The following NELL1 variants were observed in gnomAD, a reference collection of about 807,000 sequenced individuals.
NELL1 encodes the protein protein kinase C-binding protein NELL1.
A neutral mutation model predicts 107.4 loss-of-function variants in NELL1; 76 were observed. The observed-to-expected ratio is 0.71, with a 90% CI of 0.59 to 0.86. The LOEUF (loss-of-function observed/expected upper bound fraction) is 0.86, where lower values mean the gene tolerates loss of function less well. Among genes scored for constraint, NELL1 ranks in the 40% least tolerant of loss-of-function variants. The pLI is 0.00. For missense variants in NELL1, 1,024 were observed against 1,005.5 expected (o/e 1.02, Z -0.25); for synonymous variants, 353 against 341.2 (o/e 1.03, Z -0.38).
At chr11:21,131,427 T>A (rs1018238729) in intron 13 of NELL1, among the ~76,000 whole-genome samples, 1 of 152,182 alleles carries the variant, frequency 6.6e-6, no homozygotes, top group Non-Finnish European at 1.5e-5. Flanking sequence ...TAATCCAGAC[T>A]AACATACTAC....
chr11:21,443,874 AAAAG>A (rs1329737981), intron 15 of NELL1, among the ~76,000 whole-genome samples: 2 of 151,870 alleles, frequency 1.3e-5, no homozygotes, highest in East Asian at 3.9e-4. Context: ...AAAGAAAAAA[AAAAG>A]AAAAGTAGGT....
chr11:20,903,575 A>T (rs938542095), intron 5 of NELL1, among the ~76,000 whole-genome samples: 2 of 152,074 alleles, frequency 1.3e-5, no homozygotes, highest in Admixed American at 6.6e-5. Flanking sequence ...GATGGCCTAG[A>T]TTATGGTTTT....
intron 14 of NELL1, among the ~76,000 whole-genome samples, chr11:21,277,348 G>A (rs1848889850): frequency 6.6e-6 from 1 of 151,938 alleles, no homozygotes; most frequent in East Asian, 1.9e-4. Flanking sequence ...ACTACAATGA[G>A]ATACCATCTC....
intron 3 of NELL1, among the ~76,000 whole-genome samples, chr11:20,813,469 TA>T (rs5790143): frequency 0.97 from 148,154 of 152,086 alleles, 72,284 homozygotes; most frequent in East Asian, 1. Flanking sequence ...GAGGACGTGA[TA>T]AAAAAAAACC....
chr11:21,478,275 C>G (rs542276397), intron 15 of NELL1, among the ~76,000 whole-genome samples: 1 of 152,082 alleles, frequency 6.6e-6, no homozygotes, highest in Admixed American at 6.6e-5. Context: ...GTCCCTCCCT[C>G]GACACATGGG....
intron 13 of NELL1, among the ~76,000 whole-genome samples, chr11:21,186,078 T>A (rs1199365729): frequency 6.6e-6 from 1 of 151,790 alleles, no homozygotes; most frequent in Non-Finnish European, 1.5e-5. Context: ...TCCTCTGGCT[T>A]CTTATTTCTC....
chr11:20,964,528 A>G (rs185681323), intron 12 of NELL1, among the ~76,000 whole-genome samples: 1 of 152,326 alleles, frequency 6.6e-6, no homozygotes, highest in East Asian at 1.9e-4. Flanking sequence ...AAGTTGCGGC[A>G]TTGGCCACAT....
intron 13 of NELL1, among the ~76,000 whole-genome samples, chr11:21,195,034 T>A (rs748713655): frequency 1.3e-5 from 2 of 152,128 alleles, no homozygotes; most frequent in Admixed American, 6.6e-5. Flanking sequence ...TCTTGGACTT[T>A]TCTTTATTAA....
At chr11:20,943,366 C>T (rs758451344) in intron 10 of NELL1, among the ~76,000 whole-genome samples, 25 of 152,002 alleles carry the variant, frequency 1.6e-4, no homozygotes, top group Admixed American at 9.2e-4. Context: ...GGGTGGATCA[C>T]GAGGTCAGGA....
intron 12 of NELL1, among the ~76,000 whole-genome samples, chr11:20,964,504 A>G (rs1202278492): frequency 2.6e-5 from 4 of 152,212 alleles, no homozygotes; most frequent in African/African-American, 9.6e-5. Context: ...GAACGTTACA[A>G]TGAATCTTTG....
chr11:20,700,772 C>T (rs980230850), intron 2 of NELL1, among the ~76,000 whole-genome samples: 2 of 151,844 alleles, frequency 1.3e-5, no homozygotes, highest in African/African-American at 4.8e-5. Flanking sequence ...GGTTTTCTGT[C>T]CTTGTGATAG....
intron 2 of NELL1, among the ~76,000 whole-genome samples, chr11:20,782,961 C>T (rs1391515723): frequency 6.6e-6 from 1 of 152,196 alleles, no homozygotes; most frequent in Non-Finnish European, 1.5e-5. Context: ...TGGAATCACA[C>T]ACCTCTAGGC....
intron 5 of NELL1, among the ~76,000 whole-genome samples, chr11:20,887,438 T>C (rs1451597190): frequency 6.6e-6 from 1 of 152,248 alleles, no homozygotes; most frequent in Non-Finnish European, 1.5e-5. Flanking sequence ...TCAAAGCAGC[T>C]GTGCCAGTTT....
intron 12 of NELL1, among the ~76,000 whole-genome samples, chr11:20,991,930 G>A (rs1228991837): frequency 7.1e-6 from 1 of 141,784 alleles, no homozygotes; most frequent in Non-Finnish European, 1.5e-5. Context: ...GACAGGTATT[G>A]TACAGAAAGG....
chr11:21,047,041 C>T (rs80181097), intron 12 of NELL1, among the ~76,000 whole-genome samples: 1 of 151,948 alleles, frequency 6.6e-6, no homozygotes, highest in Non-Finnish European at 1.5e-5. Flanking sequence ...TTGTTAAAAG[C>T]TTATATTTGT....
rs79009958 is a variant in NELL1 at position 21,048,560 on chromosome 11, C to A, written c.1301-65029C>A. Among the ~76,000 whole-genome samples the A allele has an allele frequency of 1.3e-4, 20 of 152,172 alleles. No individual in the cohort carries two copies. The East Asian group carries it at 3.9e-3, about 29-fold the overall frequency. ...CCTCTTACAGGAGAGGAGTTTTTAA[C>A]CTGCTGGGTTCCTTTTAATTTTCTG... On this transcript the variant is annotated intron_variant, in intron 12 of 19. Coordinates refer to ENST00000357134, the MANE Select transcript of NELL1 (RefSeq NM_006157.5).
intron 2 of NELL1, among the ~76,000 whole-genome samples, chr11:20,722,971 G>A (rs1855426555): frequency 6.6e-6 from 1 of 152,104 alleles, no homozygotes; most frequent in South Asian, 2.1e-4. Flanking sequence ...AACAGCAGGA[G>A]AGAGAGAGAA....
At chr11:21,237,572 A>C (rs1858242180) in intron 14 of NELL1, among the ~76,000 whole-genome samples, 1 of 152,120 alleles carries the variant, frequency 6.6e-6, no homozygotes, top group South Asian at 2.1e-4. Context: ...AAATCAAGGC[A>C]GTCATCATAG....
rs189645960 is a variant in NELL1, at chr11:21,409,588, A to C, written c.1645+38640A>C. Among the ~76,000 whole-genome samples the C allele has an allele frequency of 5.7e-3, 872 of 152,012 alleles. 8 individuals carry two copies. The highest frequency in any genetic ancestry group is 0.02 in the South Asian group (97 of 4,812). ...CTAAAACTTAAAGTATAATAATAATAAAATAAAAAATAAATAAAAATTAAA... is the reference window on the plus strand; with the variant it reads ...CTAAAACTTAAAGTATAATAATAATCAAATAAAAAATAAATAAAAATTAAA... On this transcript the variant is annotated intron_variant, in intron 15 of 19. Transcript: ENST00000357134.
Sources: gnomAD v4.1 joint callset for allele counts (sites outside exome capture counted in the v4.1 genomes callset) on GRCh38, gnomAD v4.1.1 for gene constraint, MANE v1.5 for transcripts, NCBI Gene and HGNC (gene_info 2026-07-23, HGNC 2026-07-21) for gene names.